The following PDE11A variants were observed in gnomAD, a reference collection of about 807,000 sequenced individuals.
PDE11A encodes the protein dual 3',5'-cyclic-AMP and -GMP phosphodiesterase 11A.
In PDE11A, 100 loss-of-function variants were observed where a neutral mutation model predicts 100.5. The observed-to-expected ratio is 1.00, with a 90% confidence interval of 0.85 to 1.18. The LOEUF is 1.18. Ranked by LOEUF, PDE11A falls within the 50% of genes most tolerant of loss-of-function variation. PDE11A has a pLI of 0.00. For synonymous variants in PDE11A, 381 were observed against 420.8 expected, an observed-to-expected ratio of 0.91 and a Z score of 1.16; for missense variants, 1,141 against 1,152.6, an observed-to-expected ratio of 0.99 and a Z score of 0.15.
intron 7 of PDE11A, 148 bp downstream of exon 7, chr2:177,820,072 T>C (rs7581861): frequency 0.34 from 208,723 of 607,498 alleles, 39,306 homozygotes; most frequent in African/African-American, 0.64. Flanking sequence ...TAGGAGCCTG[T>C]GCTTATGAAA....
Position 177,756,049 on chromosome 2 carries a change from T to A in PDE11A, c.1788+13274A>T, listed in dbSNP as rs138094668. The stretch of plus-strand genomic sequence containing the variant: ...GGGAAGACTTTGGGCTTTTACATAC[T>A]ATATAGAGGAAGGAGATTTTACATC... On this transcript the variant is annotated intron_variant, in intron 10 of 19. Transcript: ENST00000286063. 6.7e-3 allele frequency among the ~76,000 whole-genome samples: 1,017 copies of A among 152,346 alleles called. 2 individuals carry two copies. The highest frequency in any genetic ancestry group is 0.015 in the South Asian group (73 of 4,826).
chr2:177,655,329 G>A (rs2080364896), intron 19 of PDE11A, among the ~76,000 whole-genome samples: 1 of 152,120 alleles, frequency 6.6e-6, no homozygotes, highest in Admixed American at 6.5e-5. Flanking sequence ...AGAGATGGTT[G>A]TTTATCAGGT....
chr2:177,789,485 G>A (rs1220528973), intron 9 of PDE11A, among the ~76,000 whole-genome samples: 2 of 151,696 alleles, frequency 1.3e-5, no homozygotes, highest in African/African-American at 4.8e-5. Flanking sequence ...GCACAAGACA[G>A]GGATGCCCTC....
chr2:177,752,105 A>C (rs1434856565), intron 10 of PDE11A, among the ~76,000 whole-genome samples: 1 of 152,218 alleles, frequency 6.6e-6, no homozygotes, highest in East Asian at 1.9e-4. Context: ...GCCTGAGATC[A>C]GTGACCTGTT....
At chr2:177,768,244 T>A (rs1209514298) in intron 10 of PDE11A, among the ~76,000 whole-genome samples, 1 of 152,034 alleles carries the variant, frequency 6.6e-6, no homozygotes, top group Non-Finnish European at 1.5e-5. Context: ...ACATCTTCCT[T>A]TGCTCCCTTT....
intron 5 of PDE11A, among the ~76,000 whole-genome samples, chr2:177,853,708 GTGTGTT>G (rs201564363): frequency 0.42 from 25,706 of 61,504 alleles, 5,980 homozygotes; most frequent in East Asian, 0.6. Context: ...GTGTGTGTGT[GTGTGTT>G]TGTGTGTGTG....
intron 12 of PDE11A, among the ~76,000 whole-genome samples, chr2:177,721,303 A>G (rs367941198): frequency 2.0e-5 from 3 of 152,220 alleles, no homozygotes; most frequent in East Asian, 3.9e-4. Flanking sequence ...TTTGTTTGCT[A>G]GCGTATTTCA....
intron 9 of PDE11A, among the ~76,000 whole-genome samples, chr2:177,802,918 C>T (rs576086057): frequency 6.6e-6 from 1 of 151,828 alleles, no homozygotes; most frequent in East Asian, 1.9e-4. Flanking sequence ...TAAAAATTTG[C>T]TAATGAAAAT....
intron 4 of PDE11A, among the ~76,000 whole-genome samples, chr2:177,887,732 T>C (rs1039129511): frequency 6.6e-6 from 1 of 152,114 alleles, no homozygotes; most frequent in Non-Finnish European, 1.5e-5. Flanking sequence ...CCAGCGTAGG[T>C]GACAGAGTGA....
chr2:178,034,172 T>C (rs997212970), intron 1 of PDE11A, among the ~76,000 whole-genome samples: 22 of 151,480 alleles, frequency 1.5e-4, no homozygotes, highest in Non-Finnish European at 1.5e-5. Flanking sequence ...CAAAGACACA[T>C]AGGGTCAAAA....
At chr2:178,018,391 T>TTGACTTTAACCA in intron 1 of PDE11A, 1 of 499,332 alleles carries the variant, frequency 2.0e-6, no homozygotes, top group Admixed American at 2.1e-5. Context: ...GACTTTAACC[T>TTGACTTTAACCA]TTGCCGGGCT....
Position 177,624,605 on chromosome 2 carries a change from T to C in PDE11A, c.*4802A>G, listed in dbSNP as rs886124855. ...GTTAAAGATGATTTCTAACCCAATG[T>C]ATTTGCAAATATACAATACCTGGAA... On this transcript the variant is annotated 3_prime_UTR_variant, in exon 20 of 20. Coordinates refer to ENST00000286063, the MANE Select transcript of PDE11A (RefSeq NM_016953.4). 1.3e-5 allele frequency: 2 copies of C among 152,244 alleles called. No homozygotes were observed. Among genetic ancestry groups the C allele is most frequent in the African/African-American group, 4.8e-5 (2 of 41,472 alleles). 9.4% of individuals were successfully genotyped at this position (152,244 alleles called of 1,614,324 possible).
At chr2:177,776,667 A>G (rs1219181840) in intron 9 of PDE11A, among the ~76,000 whole-genome samples, 1 of 152,148 alleles carries the variant, frequency 6.6e-6, no homozygotes, top group Non-Finnish European at 1.5e-5. Context: ...GGTGTGTCCT[A>G]ATCCAATATG....
chr2:178,072,885 G>C, upstream of PDE11A: 1 of 1,132,214 alleles, frequency 8.8e-7, no homozygotes, highest in Non-Finnish European at 1.1e-6. Flanking sequence ...CGCCAGACCA[G>C]CCAAAGTCCA....
intron 2 of PDE11A, among the ~76,000 whole-genome samples, chr2:178,083,355 T>A (rs1039442875): frequency 2.0e-5 from 3 of 152,098 alleles, no homozygotes; most frequent in African/African-American, 7.2e-5. Context: ...CACCTCAGCC[T>A]CTCAAAGTGC....
rs1574291630 is a variant in PDE11A at position 177,936,928 on chromosome 2, A to C, written c.1072-31741T>G. ...CAAGAGAAGGATTCCATCTTAAAAA[A>C]AAAAAATTTAAGGGATACTTTTATT... On this transcript the variant is annotated intron_variant, in intron 2 of 19. Transcript: ENST00000286063. Among the ~76,000 whole-genome samples, 8 of 150,600 alleles carry C rather than the reference A, an allele frequency of 5.3e-5. No homozygotes were observed. The South Asian group carries it at 1.7e-3, about 32-fold the overall frequency.
chr2:177,783,122 C>A (rs1445364278), intron 9 of PDE11A, among the ~76,000 whole-genome samples: 1 of 151,962 alleles, frequency 6.6e-6, no homozygotes, highest in Non-Finnish European at 1.5e-5. Flanking sequence ...TCCCTATATT[C>A]AAATGTATAA....
chr2:177,821,507 T>C (rs1465501885), intron 6 of PDE11A, among the ~76,000 whole-genome samples: 1 of 151,860 alleles, frequency 6.6e-6, no homozygotes, highest in African/African-American at 2.4e-5. Flanking sequence ...AATTGCTGAG[T>C]TATTCACCTG....
intron 2 of PDE11A, among the ~76,000 whole-genome samples, chr2:178,100,120 G>A (rs1175286538): frequency 6.6e-6 from 1 of 152,158 alleles, no homozygotes; most frequent in Non-Finnish European, 1.5e-5. Context: ...TGGGTACAGA[G>A]TTTCAGTTTG....
Sources: gnomAD v4.1 joint callset for allele counts (sites outside exome capture counted in the v4.1 genomes callset) on GRCh38, gnomAD v4.1.1 for gene constraint, MANE v1.5 for transcripts, NCBI Gene and HGNC (gene_info 2026-07-23, HGNC 2026-07-21) for gene names.